Variants in CDC40 observed in about 807,000 individuals in gnomAD.
CDC40 encodes pre-mRNA-processing factor 17.
Under a neutral mutation model 80.6 loss-of-function variants are expected in CDC40, and 27 were observed. The observed-to-expected ratio is 0.33, with a 90% CI of 0.25 to 0.46. The LOEUF (loss-of-function observed/expected upper bound fraction) is 0.46. CDC40 is among the 20% of genes least tolerant of loss of function. The probability of loss-of-function intolerance (pLI) is 1.00; values close to 1 mark genes in which losing one functional copy is unlikely to be tolerated. For synonymous variants in CDC40, 221 were observed against 232.6 expected, an observed-to-expected ratio of 0.95 and a Z score of 0.45; for missense variants, 486 against 694.1, an observed-to-expected ratio of 0.70 and a Z score of 3.37.
At chr6:110,193,801 T>A (rs987273480) in intron 2 of CDC40, among the ~76,000 whole-genome samples, 7 of 152,236 alleles carry the variant, frequency 4.6e-5, no homozygotes, top group African/African-American at 1.7e-4. Flanking sequence ...TACATACAGA[T>A]GTCTGATAAC....
chr6:110,213,567 G>GA (rs1245226272), intron 8 of CDC40, among the ~76,000 whole-genome samples: 1 of 151,854 alleles, frequency 6.6e-6, no homozygotes, highest in Non-Finnish European at 1.5e-5. Flanking sequence ...TTTAAGCTTA[G>GA]ACAACTGATG....
chr6:110,217,567 G>A, intron 9 of CDC40, 135 bp from the exon 10 acceptor site: 1 of 619,054 alleles, frequency 1.6e-6, no homozygotes. Flanking sequence ...AAATCAGGCG[G>A]TGGCATTCCA....
At chr6:110,209,851 G>A (rs1252535810) in intron 5 of CDC40, among the ~76,000 whole-genome samples, 2 of 152,048 alleles carry the variant, frequency 1.3e-5, no homozygotes, top group East Asian at 1.9e-4. Flanking sequence ...AAATAAACAG[G>A]TGATATCTAA....
At chr6:110,190,094 T>G (rs1338670673) in intron 1 of CDC40, among the ~76,000 whole-genome samples, 2 of 152,216 alleles carry the variant, frequency 1.3e-5, no homozygotes, top group African/African-American at 4.8e-5. Context: ...GGATATATGA[T>G]GTACATAAAA....
At chr6:110,223,958 G>A (rs1458737731) in intron 12 of CDC40, among the ~76,000 whole-genome samples, 3 of 151,732 alleles carry the variant, frequency 2.0e-5, no homozygotes, top group African/African-American at 7.3e-5. Context: ...TTAGCCTCCC[G>A]AGTAGCTGGG....
In CDC40 at chr6:110,232,075, C is replaced by T. The variant is rs1391113009; in HGVS notation, c.*1944C>T. 6.6e-6 allele frequency: 1 copy of T among 151,246 alleles called. No homozygotes were observed. The allele number at this position is 151,246 out of a possible 1,614,324, so 9.4% of individuals were successfully genotyped here. A position where few individuals can be genotyped will look rare whatever the true frequency, so the allele number is the denominator to read the frequency against. On this transcript the variant is annotated 3_prime_UTR_variant, in exon 15 of 15. Transcript: ENST00000307731. ...AATCATACATTTAAACTGTCTTGTTCAGCATACCAATATTGTATGTTACAA... is the reference window on the plus strand; with the variant it reads ...AATCATACATTTAAACTGTCTTGTTTAGCATACCAATATTGTATGTTACAA...
intron 2 of CDC40, among the ~76,000 whole-genome samples, chr6:110,193,647 C>T (rs1458288226): frequency 6.6e-6 from 1 of 152,086 alleles, no homozygotes; most frequent in Non-Finnish European, 1.5e-5. Context: ...CCTCATGATC[C>T]GCCCTCCTGG....
intron 11 of CDC40, 48 bp from the exon 12 acceptor site, chr6:110,219,688 A>G (rs753936635): frequency 6.3e-7 from 1 of 1,586,848 alleles, no homozygotes. Flanking sequence ...GGTCTTTCAT[A>G]AATCCACTCT....
chr6:110,195,477 A>G (rs761114536), intron 2 of CDC40, among the ~76,000 whole-genome samples: 2 of 152,212 alleles, frequency 1.3e-5, no homozygotes, highest in African/African-American at 2.4e-5. Flanking sequence ...GGTCAAGAAC[A>G]TGAGATTTGG....
rs1423863787 is a variant in CDC40 at position 110,191,992 on chromosome 6, T to C, written c.190-1190T>C. On this transcript the variant is annotated intron_variant, in intron 1 of 14. Coordinates refer to ENST00000307731, the MANE Select transcript of CDC40 (RefSeq NM_015891.3). ...TAATAGTGAATGTTCAGACAGACAA[T>C]ACAGGAAAACAAAAATGCCCTGTAA... is the stretch of plus-strand genomic sequence containing the variant. 3.9e-5 allele frequency among the ~76,000 whole-genome samples: 6 copies of C among 152,156 alleles called. No individual in the cohort carries two copies. In the East Asian group the frequency reaches 9.6e-4, roughly 24 times the overall value.
At chr6:110,193,899 T>G (rs1777384863) in intron 2 of CDC40, among the ~76,000 whole-genome samples, 1 of 152,218 alleles carries the variant, frequency 6.6e-6, no homozygotes, top group Non-Finnish European at 1.5e-5. Context: ...GAGGGAGTAT[T>G]ATAATTAACC....
intron 3 of CDC40, among the ~76,000 whole-genome samples, chr6:110,205,847 A>G (rs964173752): frequency 6.6e-6 from 1 of 152,202 alleles, no homozygotes; most frequent in Non-Finnish European, 1.5e-5. Context: ...TGTGCAGAAC[A>G]CTTCTGTACA....
Position 110,193,285 on chromosome 6 carries a change from A to G in CDC40, c.276+17A>G, listed in dbSNP as rs1777375456. On this transcript the variant is annotated intron_variant, in intron 2 of 14. Coordinates refer to ENST00000307731, the MANE Select transcript of CDC40 (RefSeq NM_015891.3). Reference sequence around the variant, plus strand: ...GCTCCTGAGGTAAGAAAACATACTTAAGGTTCTGACTTTTGCTAAAGAATT... The same window carrying G: ...GCTCCTGAGGTAAGAAAACATACTTGAGGTTCTGACTTTTGCTAAAGAATT... The G allele has an allele frequency of 1.4e-6, 2 of 1,419,188 alleles. No individual in the cohort carries two copies. Among genetic ancestry groups the G allele is most frequent in the Middle Eastern group, 1.8e-4 (1 of 5,656 alleles). The allele number at this position is 1,419,188 out of a possible 1,614,324, so 87.9% of individuals were successfully genotyped here.
At chr6:110,193,332 G>A in intron 2 of CDC40, 64 bp downstream of exon 2, 1 of 903,200 alleles carries the variant, frequency 1.1e-6, no homozygotes, top group Non-Finnish European at 1.8e-6. Context: ...AGATAATTAG[G>A]TGCAGCAGTG....
chr6:110,218,631 A>T (rs1777729449), intron 10 of CDC40, among the ~76,000 whole-genome samples: 1 of 152,168 alleles, frequency 6.6e-6, no homozygotes, highest in Admixed American at 6.5e-5. Context: ...CATTGTAATC[A>T]TCTGAAGAGC....
intron 3 of CDC40, among the ~76,000 whole-genome samples, chr6:110,205,968 T>C (rs1427119375): frequency 6.6e-6 from 1 of 152,200 alleles, no homozygotes; most frequent in Non-Finnish European, 1.5e-5. Flanking sequence ...GTTAAGAACA[T>C]ATTTTAATGC....
At chr6:110,200,356 G>C (rs1350145439) in intron 2 of CDC40, among the ~76,000 whole-genome samples, 1 of 152,152 alleles carries the variant, frequency 6.6e-6, no homozygotes, top group East Asian at 1.9e-4. Flanking sequence ...TGTGGCTCTG[G>C]AAATGTATCG....
At position 110,230,267 on chromosome 6, in the gene CDC40, C is replaced by T; in HGVS notation, c.*136C>T. 1.7e-6 allele frequency: 1 copy of T among 585,396 alleles called. No homozygotes were observed. The highest frequency in any genetic ancestry group is 2.5e-5 in the South Asian group (1 of 40,234). 36.3% of individuals were successfully genotyped at this position (585,396 alleles called of 1,614,324 possible). A position where few individuals can be genotyped will look rare whatever the true frequency, so the allele number is the denominator to read the frequency against. ...TTGACCCTTTGTTTAAAAAAAGAAA[C>T]TGTAAATTTGACATAATTTCATTTG... On this transcript the variant is annotated 3_prime_UTR_variant, in exon 15 of 15. Coordinates refer to ENST00000307731, the MANE Select transcript of CDC40 (RefSeq NM_015891.3).
chr6:110,194,589 A>G (rs1777395679), intron 2 of CDC40, among the ~76,000 whole-genome samples: 1 of 152,136 alleles, frequency 6.6e-6, no homozygotes. Context: ...TTTTTATTCC[A>G]TTGTGTCTTA....
Sources: allele counts gnomAD v4.1 joint callset (sites outside exome capture counted in the v4.1 genomes callset), GRCh38; gene constraint gnomAD v4.1.1; transcripts MANE v1.5; gene names NCBI Gene and HGNC (gene_info 2026-07-23, HGNC 2026-07-21).